DLGAP2: variants seen among roughly 807,000 people sequenced by gnomAD.
DLGAP2 encodes the protein disks large-associated protein 2.
DLGAP2 carries 26 observed loss-of-function variants against 100.3 expected under a neutral mutation model. That is an observed-to-expected ratio of 0.26 (90% CI 0.19 to 0.36). The LOEUF is 0.36. DLGAP2 is among the 10% of genes least tolerant of loss of function. The pLI, the probability that DLGAP2 is intolerant of heterozygous loss-of-function variation, is 1.00. For synonymous variants in DLGAP2, 886 were observed against 630.1 expected, an observed-to-expected ratio of 1.41 and a Z score of -6.08; for missense variants, 1,858 against 1,453.2, an observed-to-expected ratio of 1.28 and a Z score of -4.53.
At chr8:1,541,111 T>A (rs1801348541) in intron 4 of DLGAP2, among the ~76,000 whole-genome samples, 1 of 152,196 alleles carries the variant, frequency 6.6e-6, no homozygotes, top group Non-Finnish European at 1.5e-5. Flanking sequence ...AATTCCAGCC[T>A]TGGAAATTTG....
chr8:1,428,338 C>T (rs1304850328), intron 3 of DLGAP2, among the ~76,000 whole-genome samples: 1 of 151,766 alleles, frequency 6.6e-6, no homozygotes, highest in Non-Finnish European at 1.5e-5. Flanking sequence ...TAAAATTGAA[C>T]AATTCAGTGA....
intron 3 of DLGAP2, among the ~76,000 whole-genome samples, chr8:1,383,968 A>C (rs1312298491): frequency 6.6e-6 from 1 of 152,150 alleles, no homozygotes; most frequent in African/African-American, 2.4e-5. Flanking sequence ...AGACCCACAA[A>C]TGCATGTCTG....
chr8:1,329,727 A>G (rs941080719), intron 3 of DLGAP2, among the ~76,000 whole-genome samples: 8 of 152,186 alleles, frequency 5.3e-5, no homozygotes, highest in African/African-American at 7.2e-5. Context: ...CTAACAGCAG[A>G]GACCCTGGGG....
intron 2 of DLGAP2, among the ~76,000 whole-genome samples, chr8:1,100,445 C>T (rs1334682677): frequency 2.0e-5 from 3 of 150,904 alleles, no homozygotes; most frequent in Non-Finnish European, 4.4e-5. Flanking sequence ...GTAGGGAAAA[C>T]CTTTGTCCAG....
intron 2 of DLGAP2, among the ~76,000 whole-genome samples, chr8:917,157 C>G (rs377131162): frequency 1.7e-4 from 26 of 152,262 alleles, no homozygotes; most frequent in African/African-American, 6.0e-4. Flanking sequence ...TGAGTCACCC[C>G]TTTTGCCTAT....
At position 1,707,514 on chromosome 8, in the gene DLGAP2, C is replaced by T. The variant is rs1388799566; in HGVS notation, c.*6108C>T. ...ATGTTCCCCTCACTCCACTTTTTAA[C>T]TCGTTTGCTGAACTCGACAAGGCTT... On this transcript the variant is annotated 3_prime_UTR_variant, in exon 15 of 15. Coordinates refer to ENST00000637795, the MANE Select transcript of DLGAP2 (RefSeq NM_001346810.2). 2 of 152,206 alleles carry T rather than the reference C, an allele frequency of 1.3e-5. No individual in the cohort carries two copies. The highest frequency in any genetic ancestry group is 1.3e-4 in the Admixed American group (2 of 15,278). The allele number at this position is 152,206 out of a possible 1,614,324, so 9.4% of individuals were successfully genotyped here.
chr8:1,199,652 T>A (rs1441425839), intron 2 of DLGAP2, among the ~76,000 whole-genome samples: 1 of 152,148 alleles, frequency 6.6e-6, no homozygotes, highest in Non-Finnish European at 1.5e-5. Context: ...AATGCTGTCC[T>A]TTTAGTGAAA....
rs78977604 is a variant in DLGAP2 at position 1,463,310 on chromosome 8, G to A, written c.107-38056G>A. ...TGAGACAAGCGGCCCCAGCGTTTGT[G>A]CTGGTTTTGGTTATTGATGAAATAG... On this transcript the variant is annotated intron_variant, in intron 3 of 14. Coordinates refer to ENST00000637795, the MANE Select transcript of DLGAP2 (RefSeq NM_001346810.2). Among the ~76,000 whole-genome samples the A allele has an allele frequency of 2.2e-3, 338 of 152,336 alleles. 6 individuals carry two copies. In the East Asian group the frequency reaches 0.056, roughly 25 times the overall value.
intron 1 of DLGAP2, among the ~76,000 whole-genome samples, chr8:900,660 G>A (rs1055328682): frequency 6.6e-6 from 1 of 152,162 alleles, no homozygotes; most frequent in Non-Finnish European, 1.5e-5. Flanking sequence ...CTGGAAGGGA[G>A]GAGCTGGCGT....
chr8:1,410,940 A>T (rs1185355697), intron 3 of DLGAP2, among the ~76,000 whole-genome samples: 1 of 151,404 alleles, frequency 6.6e-6, no homozygotes, highest in Non-Finnish European at 1.5e-5. Context: ...TATTTAAGAG[A>T]TTGTAATCAT....
chr8:1,311,047 GAA>G (rs60087507), intron 3 of DLGAP2, among the ~76,000 whole-genome samples: 1 of 143,210 alleles, frequency 7.0e-6, no homozygotes, highest in African/African-American at 2.6e-5. Context: ...CACTGACAAA[GAA>G]AAAAAAAAGA....
intron 2 of DLGAP2, among the ~76,000 whole-genome samples, chr8:1,255,491 CA>C (rs1228290821): frequency 7.5e-5 from 10 of 133,078 alleles, no homozygotes; most frequent in African/African-American, 2.4e-4. Flanking sequence ...TGTGTGTCCT[CA>C]TCTTGCCCGG....
chr8:1,618,321 G>A (rs955674787), intron 6 of DLGAP2, among the ~76,000 whole-genome samples: 1 of 152,166 alleles, frequency 6.6e-6, no homozygotes, highest in African/African-American at 2.4e-5. Flanking sequence ...GACCCATAAT[G>A]AATAATTGGA....
intron 1 of DLGAP2, among the ~76,000 whole-genome samples, chr8:789,658 G>A (rs1821973118): frequency 6.6e-6 from 1 of 152,218 alleles, no homozygotes; most frequent in Non-Finnish European, 1.5e-5. Context: ...AGCCCCCAAA[G>A]TGGAAGCTAT....
intron 3 of DLGAP2, among the ~76,000 whole-genome samples, chr8:1,270,816 G>C (rs1050893433): frequency 6.6e-6 from 1 of 151,696 alleles, no homozygotes; most frequent in Non-Finnish European, 1.5e-5. Flanking sequence ...GTGTGTGTGT[G>C]TGTCTACCTC....
intron 4 of DLGAP2, among the ~76,000 whole-genome samples, chr8:1,513,244 A>T: frequency 1.0e-5 from 1 of 95,474 alleles, no homozygotes; most frequent in East Asian, 2.9e-4. Flanking sequence ...GTGCAGGGCA[A>T]GACGAGAGAG....
chr8:1,443,377 G>C (rs1797894422), intron 3 of DLGAP2, among the ~76,000 whole-genome samples: 1 of 151,834 alleles, frequency 6.6e-6, no homozygotes, highest in Non-Finnish European at 1.5e-5. Flanking sequence ...GGTAACATTT[G>C]GATGTTAATA....
At chr8:942,901 C>G (rs1584909431) in intron 2 of DLGAP2, among the ~76,000 whole-genome samples, 1 of 152,226 alleles carries the variant, frequency 6.6e-6, no homozygotes, top group East Asian at 1.9e-4. Flanking sequence ...AACTCCCTCC[C>G]AGGAGAGCCA....
chr8:750,052 C>T (rs188634966), intron 1 of DLGAP2, among the ~76,000 whole-genome samples: 16 of 152,378 alleles, frequency 1.1e-4, no homozygotes, highest in South Asian at 6.2e-4. Flanking sequence ...GGGTTATCCC[C>T]TCATCAAAGA....
Sources: gnomAD v4.1 joint callset for allele counts (sites outside exome capture counted in the v4.1 genomes callset) on GRCh38, gnomAD v4.1.1 for gene constraint, MANE v1.5 for transcripts, NCBI Gene and HGNC (gene_info 2026-07-23, HGNC 2026-07-21) for gene names.